The following GPM6A variants were observed in gnomAD, a reference collection of about 807,000 sequenced individuals.
GPM6A encodes glycoprotein M6A, also known as neuronal membrane glycoprotein M6-a.
GPM6A carries 7 observed loss-of-function variants against 32.1 expected under a neutral mutation model. The ratio of observed to expected loss-of-function variants is 0.22; its 90% CI spans 0.12 to 0.41. The LOEUF (loss-of-function observed/expected upper bound fraction) is 0.41, where lower values mean the gene tolerates loss of function less well. Ranked by LOEUF, GPM6A falls within the 10% of genes least tolerant of loss-of-function variation. The pLI is 1.00. For missense variants in GPM6A, 235 were observed against 347.2 expected (o/e 0.68, Z 2.57); for synonymous variants, 130 against 123.4 (o/e 1.05, Z -0.35).
chr4:175,720,093 C>T (rs1746036448), intron 1 of GPM6A, among the ~76,000 whole-genome samples: 1 of 152,172 alleles, frequency 6.6e-6, no homozygotes, highest in Admixed American at 6.5e-5. Flanking sequence ...ATCCCATTGC[C>T]TAAATACTTA....
chr4:175,752,690 A>C (rs1226173987), intron 1 of GPM6A, among the ~76,000 whole-genome samples: 1 of 152,094 alleles, frequency 6.6e-6, no homozygotes, highest in Non-Finnish European at 1.5e-5. Context: ...ATCTTCTTCT[A>C]TTTGCTTATA....
chr4:175,868,712 T>C (rs1442398131), intron 1 of GPM6A, among the ~76,000 whole-genome samples: 1 of 152,236 alleles, frequency 6.6e-6, no homozygotes, highest in Admixed American at 6.5e-5. Flanking sequence ...TCAAATATAC[T>C]GTGACTTATT....
At chr4:175,650,274 AT>A (rs1191266385) in intron 4 of GPM6A, among the ~76,000 whole-genome samples, 1 of 4,778 alleles carries the variant, frequency 2.1e-4, no homozygotes, top group African/African-American at 2.3e-4. Flanking sequence ...TCATTATTTT[AT>A]TTATTTATTT....
chr4:175,716,944 T>C (rs1745871904), intron 1 of GPM6A, among the ~76,000 whole-genome samples: 1 of 152,224 alleles, frequency 6.6e-6, no homozygotes, highest in South Asian at 2.1e-4. Flanking sequence ...TATTTTATCT[T>C]ATCTCACACA....
At chr4:175,641,437 T>C (rs1375482988) in intron 4 of GPM6A, 1 of 152,502 alleles carries the variant, frequency 6.6e-6, no homozygotes, top group Non-Finnish European at 1.5e-5. Context: ...TGGGAATCTA[T>C]GAATATTAGG....
chr4:175,746,807 G>A (rs1005926954), intron 1 of GPM6A, among the ~76,000 whole-genome samples: 2 of 152,202 alleles, frequency 1.3e-5, no homozygotes, highest in Non-Finnish European at 1.5e-5. Flanking sequence ...ACTGATGTGT[G>A]TTTATCTCTG....
chr4:175,653,361 T>G (rs560636833), intron 3 of GPM6A, among the ~76,000 whole-genome samples: 1 of 152,218 alleles, frequency 6.6e-6, no homozygotes, highest in South Asian at 2.1e-4. Context: ...CTCAAACACA[T>G]GTTTTCTAAT....
chr4:175,782,161 T>C (rs1442046215), intron 1 of GPM6A, among the ~76,000 whole-genome samples: 1 of 152,190 alleles, frequency 6.6e-6, no homozygotes, highest in African/African-American at 2.4e-5. Flanking sequence ...CTAAAAAGTT[T>C]AGGCTAAAAT....
At chr4:175,754,023 A>G (rs922470135) in intron 1 of GPM6A, among the ~76,000 whole-genome samples, 4 of 152,164 alleles carry the variant, frequency 2.6e-5, no homozygotes, top group Non-Finnish European at 5.9e-5. Context: ...AGAAAAATCT[A>G]TGCTCCAATC....
intron 1 of GPM6A, among the ~76,000 whole-genome samples, chr4:175,753,256 G>C (rs1327020527): frequency 6.6e-6 from 1 of 152,068 alleles, no homozygotes; most frequent in Non-Finnish European, 1.5e-5. Flanking sequence ...AATACTTAGT[G>C]ATGTTTCATA....
chr4:175,981,578 A>ATTTCT (rs1740816682), intron 1 of GPM6A, among the ~76,000 whole-genome samples: 1 of 152,128 alleles, frequency 6.6e-6, no homozygotes, highest in South Asian at 2.1e-4. Flanking sequence ...TTCATTCTTT[A>ATTTCT]CTGCTGAGTA....
At chr4:175,741,838 A>C (rs1162391600) in intron 1 of GPM6A, among the ~76,000 whole-genome samples, 1 of 152,110 alleles carries the variant, frequency 6.6e-6, no homozygotes, top group Non-Finnish European at 1.5e-5. Context: ...GGGATGTCTT[A>C]TAATTATTGT....
chr4:175,701,838 G>A (rs1744898512), intron 1 of GPM6A, 71 bp from the exon 2 acceptor site: 2 of 1,074,914 alleles, frequency 1.9e-6, no homozygotes, highest in African/African-American at 3.2e-5. Flanking sequence ...TCAAACTTCA[G>A]CACTATGGGA....
At position 175,727,332 on chromosome 4, in the gene GPM6A, G is replaced by T. The variant is rs544616828; in HGVS notation, c.38-25565C>A. ...GGTTAGTTCACTCATATCAGAACGTGTACAGTGTAAAAGTTGAAGAATAGC... is the reference window on the plus strand; with the variant it reads ...GGTTAGTTCACTCATATCAGAACGTTTACAGTGTAAAAGTTGAAGAATAGC... On this transcript the variant is annotated intron_variant, in intron 1 of 6. Coordinates refer to ENST00000393658, the MANE Select transcript of GPM6A (RefSeq NM_201591.3). Among the ~76,000 whole-genome samples, 4 of 152,270 alleles carry T rather than the reference G, an allele frequency of 2.6e-5. No homozygotes were observed. The South Asian group carries it at 8.3e-4, about 32-fold the overall frequency.
intron 3 of GPM6A, among the ~76,000 whole-genome samples, chr4:175,669,239 G>A (rs1742919539): frequency 6.6e-6 from 1 of 152,102 alleles, no homozygotes; most frequent in South Asian, 2.1e-4. Context: ...TAGATTTTAA[G>A]ATAATTATAC....
At chr4:175,701,411 T>A (rs1209513469) in intron 2 of GPM6A, among the ~76,000 whole-genome samples, 164 bp downstream of exon 2, 2 of 152,206 alleles carry the variant, frequency 1.3e-5, no homozygotes, top group African/African-American at 4.8e-5. Flanking sequence ...CTATTGACTG[T>A]GAAGGCAATC....
intron 1 of GPM6A, among the ~76,000 whole-genome samples, chr4:175,752,479 T>G (rs1431208430): frequency 6.6e-6 from 1 of 152,124 alleles, no homozygotes; most frequent in Non-Finnish European, 1.5e-5. Context: ...CAGTCACACT[T>G]GGTCCCTTCA....
chr4:175,949,934 A>G (rs978005074), intron 1 of GPM6A, among the ~76,000 whole-genome samples: 1 of 152,214 alleles, frequency 6.6e-6, no homozygotes, highest in Admixed American at 6.5e-5. Context: ...ACATATTTTC[A>G]ATAAATTTTA....
At chr4:175,896,969 A>G (rs1305982392) in intron 1 of GPM6A, among the ~76,000 whole-genome samples, 2 of 152,136 alleles carry the variant, frequency 1.3e-5, no homozygotes, top group Non-Finnish European at 2.9e-5. Context: ...TTAATTCAAG[A>G]TGATTAACTC....
Sources: allele counts gnomAD v4.1 joint callset (sites outside exome capture counted in the v4.1 genomes callset), GRCh38; gene constraint gnomAD v4.1.1; transcripts MANE v1.5; gene names NCBI Gene and HGNC (gene_info 2026-07-23, HGNC 2026-07-21).